Variants in CPNE6 observed in about 807,000 individuals in gnomAD.
The protein encoded by CPNE6 is copine-6.
Under a neutral mutation model 71.5 loss-of-function variants are expected in CPNE6, and 33 were observed. The observed-to-expected ratio is 0.46, with a 90% CI of 0.35 to 0.62. CPNE6 has a LOEUF of 0.62. Ranked by LOEUF, CPNE6 falls within the 20% of genes least tolerant of loss-of-function variation. CPNE6 has a pLI of 0.00. For synonymous variants in CPNE6, 296 were observed against 293.0 expected, an observed-to-expected ratio of 1.01 and a Z score of -0.10; for missense variants, 576 against 747.3, an observed-to-expected ratio of 0.77 and a Z score of 2.67.
intron 1 of CPNE6, 142 bp from the exon 1 acceptor site, chr14:24,071,420 T>C (rs1566547088): frequency 1.4e-6 from 2 of 1,462,556 alleles, no homozygotes; most frequent in Non-Finnish European, 1.8e-6. Context: ...CCCCCGGTTC[T>C]GTGGCTCCCT....
rs1308041666 is a variant in CPNE6 at position 24,073,898 on chromosome 14, T to A, written c.349-153T>A. ...TGGAGGAGTGGTCAGAGTGCTTCCC[T>A]CTTCAGACTATTGTAAAAATTGAGC... On this transcript the variant is annotated intron_variant, in intron 4 of 17. Coordinates refer to ENST00000397016, the Ensembl canonical transcript of CPNE6. The surrounding 1 kb of genome is among the most constrained non-coding windows in gnomAD (Gnocchi z 5.5). 2.0e-5 allele frequency among the ~76,000 whole-genome samples: 3 copies of A among 152,196 alleles called. No individual in the cohort carries two copies. The highest frequency in any genetic ancestry group is 2.9e-5 in the Non-Finnish European group (2 of 68,032).
At position 24,077,423 on chromosome 14, in the gene CPNE6, C is replaced by T. The variant is rs1433429758; in HGVS notation, c.1536+33C>T. ...CCCCGGGCCCCTTCCGGCTGAAGGA[C>T]TCCTCAGCTTCTCATCCCCCCAAAT... is the stretch of plus-strand genomic sequence containing the variant. On this transcript the variant is annotated intron_variant, in intron 16 of 17. Coordinates refer to ENST00000397016, the Ensembl canonical transcript of CPNE6. This position sits in a 1 kb window ranked among gnomAD's most constrained non-coding sequence, Gnocchi z 6.1. 6.3e-7 allele frequency: 1 copy of T among 1,589,638 alleles called. No homozygotes were observed. The highest frequency in any genetic ancestry group is 1.7e-5 in the Admixed American group (1 of 60,004).
At chr14:24,072,760 T>C in intron 2 of CPNE6, 173 bp from the exon 2 acceptor site, 1 of 508,016 alleles carries the variant, frequency 2.0e-6, no homozygotes, top group Non-Finnish European at 3.2e-6. Flanking sequence ...GCTCAGGTCC[T>C]CTGCCCTCCC....
rs1384614646 is a variant in CPNE6, at chr14:24,075,689, C to A, written c.864+98C>A. 3.7e-6 allele frequency: 5 copies of A among 1,364,320 alleles called. No individual in the cohort carries two copies. The highest frequency in any genetic ancestry group is 5.1e-6 in the Non-Finnish European group (5 of 973,626). The allele number at this position is 1,364,320 out of a possible 1,614,324, so 84.5% of individuals were successfully genotyped here. On this transcript the variant is annotated intron_variant, in intron 10 of 17. Coordinates refer to ENST00000397016, the Ensembl canonical transcript of CPNE6. This position sits in a 1 kb window ranked among gnomAD's most constrained non-coding sequence, Gnocchi z 4.3. ...CTTGTTTCAAAGACCAGTTTCTCTG[C>A]TTCTGGGAACTGGAAACCACCCCCA...
intron 14 of CPNE6, 151 bp downstream of exon 13, chr14:24,076,708 C>A (rs2036078657): frequency 7.0e-7 from 1 of 1,425,698 alleles, no homozygotes; most frequent in Non-Finnish European, 9.7e-7. Context: ...CGAGGCCCAG[C>A]ATCTGCACCC....
rs143428110 is a variant in CPNE6 at position 24,073,558 on chromosome 14, C to T, written c.228C>T (p.Ala76=). 4.6e-5 allele frequency: 74 copies of T among 1,613,926 alleles called. No individual in the cohort carries two copies. Among genetic ancestry groups the T allele is most frequent in the Non-Finnish European group, 5.8e-5 (69 of 1,180,034 alleles). The change falls in exon 4 of 18, where the codon GCC becomes GCT. Residue 76 remains alanine (A), a synonymous_variant. Transcript: ENST00000397016. This position sits in a 1 kb window ranked among gnomAD's most constrained non-coding sequence, Gnocchi z 5.5. ...GCCCTGTCTTCTCCCGGGTGCTGGC[C>T]CTTGAGTATTTTTTTGAGGAGAAGC... is the stretch of plus-strand genomic sequence containing the variant.
Position 24,074,387 on chromosome 14 carries a change from C to G in CPNE6, c.498+22C>G, listed in dbSNP as rs773150502. The G allele has an allele frequency of 5.2e-6, 8 of 1,548,378 alleles. No homozygotes were observed. Among genetic ancestry groups the G allele is most frequent in the South Asian group, 2.5e-5 (2 of 79,682 alleles). The stretch of plus-strand genomic sequence containing the variant: ...CAAGGTTGGAACCCCAGAGTCCAGG[C>G]CCCCAACTCCCCTGTCACTCCTAGG... On this transcript the variant is annotated intron_variant, in intron 6 of 17. Coordinates refer to ENST00000397016, the Ensembl canonical transcript of CPNE6. The surrounding 1 kb of genome is among the most constrained non-coding windows in gnomAD (Gnocchi z 4.5).
intron 1 of CPNE6, 57 bp from the exon 1 acceptor site, chr14:24,071,505 C>CA: frequency 1.8e-6 from 2 of 1,097,370 alleles, no homozygotes; most frequent in Admixed American, 2.7e-5. Flanking sequence ...TGCTGCGCCC[C>CA]CCCCCACCCC....
rs1396887874 is a variant in CPNE6, at chr14:24,077,438, T to TC, written c.1536+54dup. 1.9e-6 allele frequency: 3 copies of TC among 1,583,908 alleles called. No individual in the cohort carries two copies. Among genetic ancestry groups the TC allele is most frequent in the Non-Finnish European group, 1.7e-6 (2 of 1,153,074 alleles). On this transcript the variant is annotated intron_variant, in intron 16 of 17. Transcript: ENST00000397016. The surrounding 1 kb of genome is among the most constrained non-coding windows in gnomAD (Gnocchi z 6.1). ...GGCTGAAGGACTCCTCAGCTTCTCA[T>TC]CCCCCCAAATCTGACCTTCGTCTTC...
In CPNE6 at chr14:24,077,305, G is replaced by T. The variant is rs2036116960; in HGVS notation, c.1451G>T (p.Gly484Val). 6.2e-7 allele frequency: 1 copy of T among 1,613,756 alleles called. No individual in the cohort carries two copies. Among genetic ancestry groups the T allele is most frequent in the Non-Finnish European group, 8.5e-7 (1 of 1,180,024 alleles). ...TTCTCTGACATGCGGCTGCTGGATGGCGACGACGGCCCCTTGCGCTGCCCC... is the reference window on the plus strand; with the variant it reads ...TTCTCTGACATGCGGCTGCTGGATGTCGACGACGGCCCCTTGCGCTGCCCC... Residue 484 changes from glycine to valine, a missense_variant, in exon 16 of 18, where the codon GGC becomes GTC. Gly to Val is a moderately radical substitution (Grantham distance 109). Around this residue, in one of 4 missense-constraint regions of CPNE6, gnomAD observed 264 missense variants for 339.9 expected, o/e 0.78. Coordinates refer to ENST00000397016, the Ensembl canonical transcript of CPNE6. The surrounding 1 kb of genome is among the most constrained non-coding windows in gnomAD (Gnocchi z 6.1).
chr14:24,074,231 G>A lies in CPNE6; in HGVS notation c.424-60G>A. The stretch of plus-strand genomic sequence containing the variant: ...GGACCACCCCCACCTAAGGGAAAGG[G>A]GATGGGGTGGCCCTTGTGGTAAGGT... On this transcript the variant is annotated intron_variant, in intron 5 of 17. Transcript: ENST00000397016. This position sits in a 1 kb window ranked among gnomAD's most constrained non-coding sequence, Gnocchi z 4.5. 1 of 1,600,404 alleles carries A rather than the reference G, an allele frequency of 6.2e-7. No individual in the cohort carries two copies. The highest frequency in any genetic ancestry group is 8.6e-7 in the Non-Finnish European group (1 of 1,167,716).
rs1162861146 is a variant in CPNE6, at chr14:24,073,115, C to T, written c.168+11C>T. ...GAGCAGTGGGTGGAGGTGAGAGCAG[C>T]TCAGGTTTCTCCTTAACTAACCTGG... On this transcript the variant is annotated intron_variant, in intron 3 of 17. Transcript: ENST00000397016. This position sits in a 1 kb window ranked among gnomAD's most constrained non-coding sequence, Gnocchi z 5.5. 2.8e-6 allele frequency: 4 copies of T among 1,443,298 alleles called. No homozygotes were observed. Among genetic ancestry groups the T allele is most frequent in the Non-Finnish European group, 3.6e-6 (4 of 1,098,024 alleles). The allele number at this position is 1,443,298 out of a possible 1,614,324, so 89.4% of individuals were successfully genotyped here.
At chr14:24,071,761 A>C in intron 2 of CPNE6, 120 bp downstream of exon 1, 4 of 528,454 alleles carry the variant, frequency 7.6e-6, no homozygotes, top group East Asian at 3.1e-5. Flanking sequence ...CTTCACCACC[A>C]CAAGCCCCTG....
Position 24,077,224 on chromosome 14 carries a change from T to C in CPNE6, c.1370T>C (p.Val457Ala), listed in dbSNP as rs1186302650. ...ATGGCTGAGACTCGCACTGCTATCG[T>C]GCGTGCCTCCCGCCTGCCCATGTCC... Residue 457 changes from valine to alanine, a missense_variant, in exon 16 of 18, where the codon GTG (valine) becomes GCG (alanine). Val to Ala is a moderately conservative substitution (Grantham distance 64). Around this residue, in one of 4 missense-constraint regions of CPNE6, gnomAD observed 264 missense variants for 339.9 expected, o/e 0.78. Coordinates refer to ENST00000397016, the Ensembl canonical transcript of CPNE6. The surrounding 1 kb of genome is among the most constrained non-coding windows in gnomAD (Gnocchi z 6.1). 1 of 1,612,646 alleles carries C rather than the reference T, an allele frequency of 6.2e-7. No individual in the cohort carries two copies. Among genetic ancestry groups the C allele is most frequent in the East Asian group, 2.2e-5 (1 of 44,876 alleles).
chr14:24,071,501 G>GCCGCCC, intron 1 of CPNE6, 61 bp from the exon 1 acceptor site: 24 of 1,416,674 alleles, frequency 1.7e-5, no homozygotes, highest in Non-Finnish European at 2.0e-5. Flanking sequence ...CTGGTGCTGC[G>GCCGCCC]CCCCCCCCCA....
chr14:24,074,119 C>T lies in CPNE6; in HGVS notation c.417C>T (p.Thr139=), dbSNP rs886812715. 1 of 1,614,108 alleles carries T rather than the reference C, an allele frequency of 6.2e-7. No individual in the cohort carries two copies. Among genetic ancestry groups the T allele is most frequent in the Non-Finnish European group, 8.5e-7 (1 of 1,179,970 alleles). ...ATGGGAAGACTGCGGGCAAGTCCAC[C>T]ATCACGGTAGGCAAGATCACCTGTA... The change falls in exon 5 of 18, where the codon ACC becomes ACT. Residue 139 remains threonine, a synonymous_variant. Transcript: ENST00000397016. This position sits in a 1 kb window ranked among gnomAD's most constrained non-coding sequence, Gnocchi z 4.5.
intron 1 of CPNE6, 61 bp from the exon 1 acceptor site, chr14:24,071,501 G>GGCGGC: frequency 1.4e-6 from 2 of 1,416,702 alleles, no homozygotes; most frequent in Non-Finnish European, 1.9e-6. Context: ...CTGGTGCTGC[G>GGCGGC]CCCCCCCCCA....
At chr14:24,071,501 G>GGCGCCC in intron 1 of CPNE6, 61 bp from the exon 1 acceptor site, 1 of 1,416,694 alleles carries the variant, frequency 7.1e-7, no homozygotes, top group Non-Finnish European at 9.3e-7. Context: ...CTGGTGCTGC[G>GGCGCCC]CCCCCCCCCA....
chr14:24,071,283 G>A, intron 1 of CPNE6: 1 of 1,313,938 alleles, frequency 7.6e-7, no homozygotes, highest in Non-Finnish European at 1.0e-6. Flanking sequence ...GTTTGAATGT[G>A]TATGTGCATG....
Sources: allele counts gnomAD v4.1 joint callset (sites outside exome capture counted in the v4.1 genomes callset), GRCh38; gene constraint gnomAD v4.1.1; regional missense constraint gnomAD v4.1.1; non-coding constraint Gnocchi (gnomAD v3.1); transcripts MANE v1.5; gene names NCBI Gene and HGNC (gene_info 2026-07-23, HGNC 2026-07-21).